The following KCNIP4 variants were observed in gnomAD, a reference collection of about 807,000 sequenced individuals.
KCNIP4 encodes the protein Kv channel-interacting protein 4.
In KCNIP4, 12 loss-of-function variants were observed where a neutral mutation model predicts 34.0. The ratio of observed to expected loss-of-function variants is 0.35; its 90% CI spans 0.23 to 0.57. KCNIP4 has a LOEUF of 0.57. Ranked by LOEUF, KCNIP4 falls within the 20% of genes least tolerant of loss-of-function variation. KCNIP4 has a pLI of 0.83. For synonymous variants in KCNIP4, 124 were observed against 102.2 expected, an observed-to-expected ratio of 1.21 and a Z score of -1.29; for missense variants, 238 against 311.7, an observed-to-expected ratio of 0.76 and a Z score of 1.78.
rs181922680 is a variant in KCNIP4 at position 21,420,475 on chromosome 4, G to T, written c.61+528096C>A. Among the ~76,000 whole-genome samples the T allele has an allele frequency of 1.6e-3, 240 of 152,230 alleles. 1 individual carries two copies. The highest frequency in any genetic ancestry group is 5.6e-3 in the African/African-American group (234 of 41,530). Reference sequence around the variant, plus strand: ...CATACATCAGATAAATCAATATCTTGCTGAAAAGCATTCAATATCTTCCTA... The same window carrying T: ...CATACATCAGATAAATCAATATCTTTCTGAAAAGCATTCAATATCTTCCTA... On this transcript the variant is annotated intron_variant, in intron 1 of 8. Transcript: ENST00000382152.
rs6858028 is a variant in KCNIP4 at position 21,304,055 on chromosome 4, G to C, written c.62-421346C>G. On this transcript the variant is annotated intron_variant, in intron 1 of 8. Transcript: ENST00000382152. ...TGAGAGAGAGAGAGAGAGAGAGAGA[G>C]AGAGAGAGAGAGACAGAGAGAGAGA... 6.1e-5 allele frequency: 30 copies of C among 494,872 alleles called. 1 individual carries two copies. In the South Asian group the frequency reaches 8.0e-4, roughly 13 times the overall value. The allele number at this position is 494,872 out of a possible 1,614,324, so 30.7% of individuals were successfully genotyped here. A position where few individuals can be genotyped will look rare whatever the true frequency, so the allele number is the denominator to read the frequency against.
chr4:20,880,430 A>C (rs1490561643), intron 2 of KCNIP4, among the ~76,000 whole-genome samples: 1 of 152,176 alleles, frequency 6.6e-6, no homozygotes, highest in Non-Finnish European at 1.5e-5. Flanking sequence ...AGTACTATAC[A>C]ATCCCATTAG....
At chr4:21,187,254 G>GA (rs1755302959) in intron 1 of KCNIP4, among the ~76,000 whole-genome samples, 1 of 152,102 alleles carries the variant, frequency 6.6e-6, no homozygotes, top group South Asian at 2.1e-4. Flanking sequence ...TATTTTATAT[G>GA]TATACTTAGG....
intron 3 of KCNIP4, among the ~76,000 whole-genome samples, chr4:20,788,594 A>G (rs1712312966): frequency 6.6e-6 from 1 of 152,176 alleles, no homozygotes; most frequent in Non-Finnish European, 1.5e-5. Context: ...GCAAAGAATC[A>G]AAAATAATAA....
chr4:21,361,267 C>A (rs1719190465), intron 1 of KCNIP4, among the ~76,000 whole-genome samples: 1 of 152,124 alleles, frequency 6.6e-6, no homozygotes, highest in East Asian at 1.9e-4. Flanking sequence ...GATTCTCCAT[C>A]TATAAAATGA....
At chr4:20,871,887 C>T (rs989494954) in intron 2 of KCNIP4, among the ~76,000 whole-genome samples, 2 of 152,050 alleles carry the variant, frequency 1.3e-5, no homozygotes, top group Admixed American at 6.6e-5. Context: ...TCTCCCACAA[C>T]ATTATTAAGT....
chr4:21,268,378 AAC>A (rs1761946358), intron 1 of KCNIP4, among the ~76,000 whole-genome samples: 1 of 152,330 alleles, frequency 6.6e-6, no homozygotes, highest in South Asian at 2.1e-4. Flanking sequence ...TTTAATATCA[AAC>A]ACAGTGCTCT....
At chr4:21,697,241 T>C in intron 1 of KCNIP4, 1 of 1,295,070 alleles carries the variant, frequency 7.7e-7, no homozygotes. Context: ...TTGACAACAT[T>C]AAAAATAATC....
At chr4:21,750,070 G>A (rs1209354239) in intron 1 of KCNIP4, among the ~76,000 whole-genome samples, 1 of 152,088 alleles carries the variant, frequency 6.6e-6, no homozygotes, top group Non-Finnish European at 1.5e-5. Flanking sequence ...GTGGAATGAT[G>A]AAATCTTGTG....
In KCNIP4 at chr4:20,738,478, A is replaced by G. The variant is rs12646369; in HGVS notation, c.430-3743T>C. On this transcript the variant is annotated intron_variant, in intron 5 of 8. Coordinates refer to ENST00000382152, the MANE Select transcript of KCNIP4 (RefSeq NM_025221.6). ...ACCCCAAAATTTACATGTCTGACAC[A>G]TTCCAAGGGGAAGCCTGTACTGCTT... is the stretch of plus-strand genomic sequence containing the variant. 2.3e-3 allele frequency among the ~76,000 whole-genome samples: 355 copies of G among 152,300 alleles called. 8 individuals are homozygous for G. In the South Asian group the frequency reaches 0.046, roughly 20 times the overall value.
intron 1 of KCNIP4, among the ~76,000 whole-genome samples, chr4:21,495,576 G>A (rs1367691115): frequency 6.6e-6 from 1 of 151,576 alleles, no homozygotes; most frequent in African/African-American, 2.4e-5. Flanking sequence ...CACAGTGATT[G>A]TTAAACACTT....
rs10593542 is a variant in KCNIP4 at position 21,502,431 on chromosome 4, TCAAA to T, written c.61+446136_61+446139del. ...GCACAGTTAACATAAAAGAGAGATG[TCAAA>T]CAATCTTTGCCATTGCCAATCATTT... On this transcript the variant is annotated intron_variant, in intron 1 of 8. Coordinates refer to ENST00000382152, the MANE Select transcript of KCNIP4 (RefSeq NM_025221.6). Among the ~76,000 whole-genome samples, 833 of 152,296 alleles carry T rather than the reference TCAAA, an allele frequency of 5.5e-3. 13 individuals carry two copies. Among genetic ancestry groups the T allele is most frequent in the African/African-American group, 0.019 (790 of 41,576 alleles).
chr4:21,700,694 T>A (rs1712761831), intron 1 of KCNIP4, among the ~76,000 whole-genome samples: 1 of 152,146 alleles, frequency 6.6e-6, no homozygotes, highest in Non-Finnish European at 1.5e-5. Context: ...TCCTGAAGCT[T>A]TTCTCCTATA....
intron 1 of KCNIP4, among the ~76,000 whole-genome samples, chr4:20,911,859 C>T (rs1327615283): frequency 1.3e-5 from 2 of 152,138 alleles, no homozygotes; most frequent in Non-Finnish European, 2.9e-5. Flanking sequence ...TTGCAGAAAC[C>T]AGAAAACTTG....
At chr4:21,866,605 G>A (rs1725432053) in intron 1 of KCNIP4, among the ~76,000 whole-genome samples, 1 of 152,066 alleles carries the variant, frequency 6.6e-6, no homozygotes, top group Admixed American at 6.6e-5. Context: ...AGGAAAAGCA[G>A]GTATAAAGTA....
At chr4:21,256,739 T>C (rs954325240) in intron 1 of KCNIP4, among the ~76,000 whole-genome samples, 2 of 152,212 alleles carry the variant, frequency 1.3e-5, no homozygotes, top group Admixed American at 1.3e-4. Context: ...ATCCAACAAA[T>C]GCTTTAAAGA....
intron 1 of KCNIP4, among the ~76,000 whole-genome samples, chr4:21,550,168 G>T (rs1738457055): frequency 6.6e-6 from 1 of 152,044 alleles, no homozygotes; most frequent in Non-Finnish European, 1.5e-5. Flanking sequence ...ATTTCTCCAT[G>T]GATCTCATTG....
At chr4:21,754,643 A>G (rs1205733372) in intron 1 of KCNIP4, among the ~76,000 whole-genome samples, 1 of 152,170 alleles carries the variant, frequency 6.6e-6, no homozygotes, top group Admixed American at 6.5e-5. Context: ...ATTACTCTAA[A>G]TTGTCCCACT....
intron 1 of KCNIP4, among the ~76,000 whole-genome samples, chr4:21,141,759 A>T (rs1461355390): frequency 1.3e-5 from 2 of 152,168 alleles, no homozygotes; most frequent in Non-Finnish European, 2.9e-5. Context: ...GCATCCATTC[A>T]ACAATAAAAT....
Sources: gnomAD v4.1 joint callset for allele counts (sites outside exome capture counted in the v4.1 genomes callset) on GRCh38, gnomAD v4.1.1 for gene constraint, MANE v1.5 for transcripts, NCBI Gene and HGNC (gene_info 2026-07-23, HGNC 2026-07-21) for gene names.